The following CSMD1 variants were observed in gnomAD, a reference collection of about 807,000 sequenced individuals.
The protein encoded by CSMD1 is CUB and sushi domain-containing protein 1.
CSMD1 carries 213 observed loss-of-function variants against 417.5 expected under a neutral mutation model. The ratio of observed to expected loss-of-function variants is 0.51; its 90% CI spans 0.46 to 0.57. CSMD1 has a LOEUF of 0.57. Among genes scored for constraint, CSMD1 ranks in the 20% least tolerant of loss-of-function variants. The pLI, the probability that CSMD1 is intolerant of heterozygous loss-of-function variation, is 0.00. For synonymous variants in CSMD1, 2,862 were observed against 1,736.8 expected, an observed-to-expected ratio of 1.65 and a Z score of -16.11; for missense variants, 6,923 against 4,529.7, an observed-to-expected ratio of 1.53 and a Z score of -15.17.
intron 3 of CSMD1, among the ~76,000 whole-genome samples, chr8:4,168,868 C>A (rs1023926414): frequency 6.6e-6 from 1 of 152,092 alleles, no homozygotes; most frequent in African/African-American, 2.4e-5. Flanking sequence ...GCTTTAGACA[C>A]GGTGACTGAT....
intron 4 of CSMD1, among the ~76,000 whole-genome samples, chr8:4,004,768 G>T (rs1304520816): frequency 6.6e-6 from 1 of 151,856 alleles, no homozygotes; most frequent in Non-Finnish European, 1.5e-5. Context: ...TTTTTGAGAT[G>T]GCGTCTCACT....
intron 1 of CSMD1, among the ~76,000 whole-genome samples, chr8:4,987,056 T>G (rs558434088): frequency 6.6e-6 from 1 of 152,294 alleles, no homozygotes; most frequent in South Asian, 2.1e-4. Context: ...GCATTTTTAC[T>G]ATCTCAAAGT....
intron 7 of CSMD1, among the ~76,000 whole-genome samples, chr8:3,617,764 C>A (rs774210278): frequency 6.6e-6 from 1 of 152,174 alleles, no homozygotes; most frequent in Non-Finnish European, 1.5e-5. Context: ...AATTTAGGAG[C>A]AATGTCGCAA....
chr8:3,356,247 T>C (rs1189108570), intron 21 of CSMD1, among the ~76,000 whole-genome samples: 1 of 152,202 alleles, frequency 6.6e-6, no homozygotes, highest in South Asian at 2.1e-4. Flanking sequence ...ACATGAAGCA[T>C]GGATGAATCA....
At chr8:4,279,506 C>T (rs964531655) in intron 3 of CSMD1, among the ~76,000 whole-genome samples, 3 of 152,156 alleles carry the variant, frequency 2.0e-5, no homozygotes, top group Admixed American at 6.6e-5. Flanking sequence ...GACTTTATTA[C>T]TCAATGTCAA....
intron 5 of CSMD1, among the ~76,000 whole-genome samples, chr8:3,956,049 C>T (rs1186887001): frequency 6.6e-6 from 1 of 152,222 alleles, no homozygotes; most frequent in African/African-American, 2.4e-5. Flanking sequence ...CCTGCCTCAG[C>T]TTCCCAAAGT....
intron 5 of CSMD1, among the ~76,000 whole-genome samples, chr8:3,782,609 A>C (rs1242170556): frequency 6.6e-6 from 1 of 152,200 alleles, no homozygotes. Flanking sequence ...ACAAACCTGC[A>C]CGTTGTGCAC....
At chr8:3,786,772 C>G (rs1484405642) in intron 5 of CSMD1, among the ~76,000 whole-genome samples, 3 of 152,152 alleles carry the variant, frequency 2.0e-5, no homozygotes, top group Non-Finnish European at 4.4e-5. Flanking sequence ...TCACAGAGGG[C>G]TATCTTCCCC....
chr8:3,891,756 G>T (rs556924224), intron 5 of CSMD1, among the ~76,000 whole-genome samples: 1 of 152,186 alleles, frequency 6.6e-6, no homozygotes, highest in African/African-American at 2.4e-5. Context: ...ACTGGAGACT[G>T]AATCTCTGCT....
At chr8:3,181,879 C>A (rs1018919672) in intron 36 of CSMD1, among the ~76,000 whole-genome samples, 10 of 152,160 alleles carry the variant, frequency 6.6e-5, no homozygotes, top group African/African-American at 2.2e-4. Context: ...ATGATGCTGG[C>A]AGGTGCTGAG....
At chr8:3,681,390 C>A (rs1292147864) in intron 7 of CSMD1, among the ~76,000 whole-genome samples, 2 of 152,012 alleles carry the variant, frequency 1.3e-5, no homozygotes, top group African/African-American at 2.4e-5. Context: ...TCTTATACAC[C>A]AATAACAGAC....
intron 3 of CSMD1, among the ~76,000 whole-genome samples, chr8:4,373,749 C>A (rs921255222): frequency 6.6e-6 from 1 of 152,192 alleles, no homozygotes; most frequent in Non-Finnish European, 1.5e-5. Flanking sequence ...ACTGTGCCAT[C>A]TTATTATCAG....
At chr8:3,867,282 A>C (rs1179785875) in intron 5 of CSMD1, among the ~76,000 whole-genome samples, 2 of 152,148 alleles carry the variant, frequency 1.3e-5, no homozygotes, top group Admixed American at 1.3e-4. Context: ...ACATATCTTG[A>C]ATATAAGGAA....
At chr8:4,643,774 G>GC (rs1339172532) in intron 1 of CSMD1, among the ~76,000 whole-genome samples, 1 of 152,200 alleles carries the variant, frequency 6.6e-6, no homozygotes. Context: ...TCCAGGGTCT[G>GC]CATTATGGGG....
At chr8:3,657,790 A>C (rs2469386) in intron 7 of CSMD1, among the ~76,000 whole-genome samples, 102,811 of 151,848 alleles carry the variant, frequency 0.68, 35,530 homozygotes, top group Non-Finnish European at 0.75. Flanking sequence ...CACGTGTATA[A>C]CTATGTAACA....
intron 3 of CSMD1, among the ~76,000 whole-genome samples, chr8:4,374,519 C>A (rs565247950): frequency 6.6e-6 from 1 of 152,128 alleles, no homozygotes; most frequent in African/African-American, 2.4e-5. Context: ...CACAGCAGAT[C>A]TAGAGAGAAG....
intron 2 of CSMD1, among the ~76,000 whole-genome samples, chr8:4,478,317 C>G (rs767569454): frequency 5.3e-5 from 8 of 152,160 alleles, no homozygotes; most frequent in Non-Finnish European, 1.0e-4. Context: ...TGAGTTGCCT[C>G]ATGTGACAGT....
At chr8:3,874,895 G>C (rs575525913) in intron 5 of CSMD1, among the ~76,000 whole-genome samples, 1 of 152,084 alleles carries the variant, frequency 6.6e-6, no homozygotes, top group African/African-American at 2.4e-5. Context: ...GCGATGCTGC[G>C]CACCAGTGAT....
chr8:3,930,527 T>C (rs576564414), intron 5 of CSMD1, among the ~76,000 whole-genome samples: 6 of 150,426 alleles, frequency 4.0e-5, no homozygotes, highest in African/African-American at 1.5e-4. Flanking sequence ...TTTGCCTCTT[T>C]TCAAAAGTTC....
Sources: allele counts gnomAD v4.1 joint callset (sites outside exome capture counted in the v4.1 genomes callset), GRCh38; gene constraint gnomAD v4.1.1; transcripts MANE v1.5; gene names NCBI Gene and HGNC (gene_info 2026-07-23, HGNC 2026-07-21).